Variants in GAPDHS observed in about 807,000 individuals in gnomAD.
GAPDHS encodes glyceraldehyde-3-phosphate dehydrogenase, spermatogenic.
GAPDHS carries 42 observed loss-of-function variants against 48.7 expected under a neutral mutation model. The observed-to-expected ratio is 0.86, with a 90% confidence interval of 0.67 to 1.12. The LOEUF (loss-of-function observed/expected upper bound fraction) is 1.12. Ranked by LOEUF, GAPDHS falls within the 50% of genes most tolerant of loss-of-function variation. The pLI, the probability that GAPDHS is intolerant of heterozygous loss-of-function variation, is 0.00. For synonymous variants in GAPDHS, 166 were observed against 219.1 expected (o/e 0.76, Z 2.14); for missense variants, 512 against 557.7 (o/e 0.92, Z 0.82).
chr19:35,538,361 G>A lies in GAPDHS; in HGVS notation c.300G>A (p.Lys100=), dbSNP rs1225410601. ...VLRACMEKGV[K]VVAVNDPFID... ...GCGCCTGCATGGAGAAGGGTGTTAA[G>A]GTGGTGGCTGTGAATGATCCATTCA... is the stretch of plus-strand genomic sequence containing the variant. Residue 100 remains lysine, a synonymous_variant, in exon 3 of 11, where the codon AAG becomes AAA. Transcript: ENST00000222286. 3 of 1,613,658 alleles carry A rather than the reference G, an allele frequency of 1.9e-6. No homozygotes were observed. Among genetic ancestry groups the A allele is most frequent in the Non-Finnish European group, 1.7e-6 (2 of 1,179,748 alleles).
Position 35,542,479 on chromosome 19 carries a change from T to C in GAPDHS, c.541-11T>C, listed in dbSNP as rs1377462782. On this transcript the variant is annotated splice_polypyrimidine_tract_variant and intron_variant, in intron 5 of 10. Transcript: ENST00000222286. Reference sequence around the variant, plus strand: ...TGCCAGAAGCCCCTGACACCTGCGCTTCCTCCCCAGGACCACATCTCTGCA... The same window carrying C: ...TGCCAGAAGCCCCTGACACCTGCGCCTCCTCCCCAGGACCACATCTCTGCA... The C allele has an allele frequency of 1.2e-5, 20 of 1,604,056 alleles. No homozygotes were observed. Among genetic ancestry groups the C allele is most frequent in the Non-Finnish European group, 1.6e-5 (19 of 1,171,074 alleles).
rs2071526106 is a variant in GAPDHS, at chr19:35,544,003, C to T, written c.1056+176C>T. On this transcript the variant is annotated intron_variant, in intron 9 of 10. Coordinates refer to ENST00000222286, the MANE Select transcript of GAPDHS (RefSeq NM_014364.5). ...CCTTTAGTCTGGAATGCTTCCCTTG[C>T]CAGGTGACCATACAGTCTGTCCTTA... 24 of 1,209,950 alleles carry T rather than the reference C, an allele frequency of 2.0e-5. No individual in the cohort carries two copies. In the Middle Eastern group the frequency reaches 1.8e-3, roughly 89 times the overall value. 75.0% of individuals were successfully genotyped at this position (1,209,950 alleles called of 1,614,324 possible). A position where few individuals can be genotyped will look rare whatever the true frequency, so the allele number is the denominator to read the frequency against.
intron 1 of GAPDHS, among the ~76,000 whole-genome samples, chr19:35,536,475 C>T (rs112525254): frequency 3.3e-5 from 5 of 152,050 alleles, no homozygotes; most frequent in African/African-American, 1.2e-4. Context: ...ACTCGGGAGG[C>T]TGAGGCAGGA....
chr19:35,538,416 C>A lies in GAPDHS; in HGVS notation c.342+13C>A. 3 of 1,431,324 alleles carry A rather than the reference C, an allele frequency of 2.1e-6. No homozygotes were observed. Among genetic ancestry groups the A allele is most frequent in the Non-Finnish European group, 2.0e-6 (2 of 1,013,978 alleles). 88.7% of individuals were successfully genotyped at this position (1,431,324 alleles called of 1,614,324 possible). A position where few individuals can be genotyped will look rare whatever the true frequency, so the allele number is the denominator to read the frequency against. ...CCCGGAATACATGGTCAGTAGCTGG[C>A]AGAGGGCAGGAACAGCAGGGTGGGA... On this transcript the variant is annotated intron_variant, in intron 3 of 10. Transcript: ENST00000222286.
intron 4 of GAPDHS, 107 bp downstream of exon 4, chr19:35,538,790 C>G: frequency 1.4e-6 from 1 of 727,572 alleles, no homozygotes; most frequent in South Asian, 1.5e-5. Context: ...TGAAACCACC[C>G]CCAAAATTGC....
intron 1 of GAPDHS, among the ~76,000 whole-genome samples, chr19:35,536,107 G>A (rs1198960811): frequency 1.3e-5 from 2 of 152,034 alleles, no homozygotes; most frequent in East Asian, 1.9e-4. Flanking sequence ...GGACAAATTC[G>A]GGGAACAATC....
At chr19:35,539,967 G>A (rs574331770) in intron 4 of GAPDHS, among the ~76,000 whole-genome samples, 7 of 151,842 alleles carry the variant, frequency 4.6e-5, no homozygotes, top group Admixed American at 3.3e-4. Context: ...GCAGTTCCCC[G>A]CCCCTCCAGC....
chr19:35,533,732 C>T, intron 1 of GAPDHS, 138 bp downstream of exon 1: 2 of 614,360 alleles, frequency 3.3e-6, no homozygotes, highest in South Asian at 2.0e-5. Flanking sequence ...AGCCGCTCTC[C>T]CTCCCTCCAC....
At chr19:35,535,330 C>T (rs2071458599) in intron 1 of GAPDHS, among the ~76,000 whole-genome samples, 1 of 152,178 alleles carries the variant, frequency 6.6e-6, no homozygotes, top group Admixed American at 6.6e-5. Context: ...GAGTATGATA[C>T]ACGGTACTCT....
chr19:35,543,239 C>CCACCAGCCTCCA, intron 7 of GAPDHS, 101 bp from the exon 8 acceptor site: 1 of 1,374,300 alleles, frequency 7.3e-7, no homozygotes, highest in Non-Finnish European at 1.0e-6. Context: ...GGTGGTGGCC[C>CCACCAGCCTCCA]CACCAGCCTC....
chr19:35,536,933 C>T lies in GAPDHS; in HGVS notation c.188C>T (p.Ala63Val), dbSNP rs531268095. ...PPPPPLPPHP[A>V]TPPPKMVSVA... ...CCGCCACCACTGCCTCCTCACCCCG[C>T]TACTCCTCCTCCTAAGATGGTGTCT... The change falls in exon 2 of 11, where the codon GCT becomes GTT. Residue 63 changes from alanine (A) to valine (V), a missense_variant. Physicochemically the swap from Ala to Val is moderately conservative, Grantham distance 64. Coordinates refer to ENST00000222286, the MANE Select transcript of GAPDHS (RefSeq NM_014364.5). The T allele has an allele frequency of 6.2e-7, 1 of 1,614,158 alleles. No homozygotes were observed. The highest frequency in any genetic ancestry group is 1.3e-5 in the African/African-American group (1 of 75,042).
At chr19:35,543,892 C>G in intron 9 of GAPDHS, 65 bp downstream of exon 9, 3 of 1,480,764 alleles carry the variant, frequency 2.0e-6, no homozygotes, top group Non-Finnish European at 2.7e-6. Context: ...TTCCACTTGC[C>G]AGGGAGCTGC....
At chr19:35,540,291 C>T (rs2071492938) in intron 4 of GAPDHS, among the ~76,000 whole-genome samples, 1 of 152,232 alleles carries the variant, frequency 6.6e-6, no homozygotes, top group African/African-American at 2.4e-5. Context: ...CCCTGATAGC[C>T]ATTCAGAACT....
intron 7 of GAPDHS, 46 bp from the exon 8 acceptor site, chr19:35,543,294 A>C: frequency 6.3e-7 from 1 of 1,597,844 alleles, no homozygotes; most frequent in South Asian, 1.1e-5. Context: ...GAGGCATGGG[A>C]GCTTAGGAGC....
Position 35,545,019 on chromosome 19 carries a change from G to A in GAPDHS, c.1154+13G>A, listed in dbSNP as rs768678036. 3.7e-6 allele frequency: 6 copies of A among 1,610,328 alleles called. No individual in the cohort carries two copies. Among genetic ancestry groups the A allele is most frequent in the South Asian group, 2.2e-5 (2 of 91,012 alleles). ...AGCTCATTTCATGGTAAGGGGGAAG[G>A]AGCTGGAGACTTAGAGGGAGGGGAA... On this transcript the variant is annotated intron_variant, in intron 10 of 10. Transcript: ENST00000222286.
chr19:35,543,109 T>A, intron 7 of GAPDHS, 83 bp downstream of exon 7: 1 of 1,160,902 alleles, frequency 8.6e-7, no homozygotes, highest in Non-Finnish European at 1.3e-6. Context: ...TGTATGGAGT[T>A]AAGAGGGAGA....
intron 4 of GAPDHS, 23 bp downstream of exon 4, chr19:35,538,706 G>GCTTT: frequency 7.4e-7 from 1 of 1,360,182 alleles, no homozygotes; most frequent in Non-Finnish European, 1.1e-6. Flanking sequence ...TCTGTCTGAT[G>GCTTT]CACGGCTGTG....
At position 35,539,648 on chromosome 19, in the gene GAPDHS, C is replaced by T. The variant is rs536441066; in HGVS notation, c.449+965C>T. Among the ~76,000 whole-genome samples the T allele has an allele frequency of 2.6e-5, 4 of 152,186 alleles. No individual in the cohort carries two copies. In the East Asian group the frequency reaches 5.8e-4, roughly 22 times the overall value. ...GCAGCCTCCCCAGCGCCCCTCCCCA[C>T]AGATCTAATCTCAGCCCTTCTCCTT... On this transcript the variant is annotated intron_variant, in intron 4 of 10. Transcript: ENST00000222286.
rs2071512552 is a variant in GAPDHS, at chr19:35,542,615, T to G, written c.659+7T>G. 1 of 1,562,970 alleles carries G rather than the reference T, an allele frequency of 6.4e-7. No homozygotes were observed. Among genetic ancestry groups the G allele is most frequent in the South Asian group, 1.1e-5 (1 of 89,936 alleles). ...GCTCCATGAACATTGTGAGGTAATG[T>G]GGGCAGTGACATCCTGCAATGTGTG... On this transcript the variant is annotated splice_region_variant and intron_variant, in intron 6 of 10. Coordinates refer to ENST00000222286, the MANE Select transcript of GAPDHS (RefSeq NM_014364.5).
Sources: allele counts gnomAD v4.1 joint callset (sites outside exome capture counted in the v4.1 genomes callset), GRCh38; gene constraint gnomAD v4.1.1; transcripts MANE v1.5; gene names NCBI Gene and HGNC (gene_info 2026-07-23, HGNC 2026-07-21).